The following BNC2 variants were observed in gnomAD, a reference collection of about 807,000 sequenced individuals.
The protein encoded by BNC2 is basonuclin zinc finger protein 2.
A neutral mutation model predicts 76.3 loss-of-function variants in BNC2; 20 were observed. The ratio of observed to expected loss-of-function variants is 0.26; its 90% CI spans 0.18 to 0.38. The LOEUF is 0.38. Ranked by LOEUF, BNC2 falls within the 10% of genes least tolerant of loss-of-function variation. The probability of loss-of-function intolerance (pLI) is 1.00; values close to 1 mark genes in which losing one functional copy is unlikely to be tolerated. For missense variants in BNC2, 1,382 were observed against 1,399.8 expected (o/e 0.99, Z 0.20); for synonymous variants, 582 against 514.8 (o/e 1.13, Z -1.77).
intron 1 of BNC2, among the ~76,000 whole-genome samples, chr9:16,812,234 G>C (rs981781749): frequency 6.6e-6 from 1 of 152,228 alleles, no homozygotes; most frequent in Non-Finnish European, 1.5e-5. Flanking sequence ...AAGGGCTCTG[G>C]GCTTGGAGGT....
At chr9:16,684,669 TA>T (rs1003856891) in intron 3 of BNC2, among the ~76,000 whole-genome samples, 8 of 148,122 alleles carry the variant, frequency 5.4e-5, no homozygotes, top group Admixed American at 6.7e-5. Flanking sequence ...ATGGAGGTCC[TA>T]AAAAAAAAAG....
chr9:16,421,766 C>T (rs1587008407), intron 6 of BNC2, among the ~76,000 whole-genome samples: 1 of 152,208 alleles, frequency 6.6e-6, no homozygotes, highest in East Asian at 1.9e-4. Context: ...TACAACACCA[C>T]CAGTTATTAC....
At chr9:16,454,519 G>A (rs1216369177) in intron 5 of BNC2, among the ~76,000 whole-genome samples, 2 of 152,094 alleles carry the variant, frequency 1.3e-5, no homozygotes, top group Non-Finnish European at 2.9e-5. Flanking sequence ...GCCTAGGCTG[G>A]TCTTGAACTC....
At chr9:16,655,488 G>C (rs1258040107) in intron 3 of BNC2, among the ~76,000 whole-genome samples, 2 of 151,872 alleles carry the variant, frequency 1.3e-5, no homozygotes, top group African/African-American at 4.8e-5. Flanking sequence ...GTTCCTCCTT[G>C]ACTATCTATC....
rs574637446 is a variant in BNC2 at position 16,833,191 on chromosome 9, C to T, written c.3+37455G>A. Among the ~76,000 whole-genome samples the T allele has an allele frequency of 2.0e-5, 3 of 152,270 alleles. No individual in the cohort carries two copies. The East Asian group carries it at 5.8e-4, about 29-fold the overall frequency. The stretch of plus-strand genomic sequence containing the variant: ...TTGCCACCACCAATTTCGCTCCCTC[C>T]TCCCAAGTGACAACTGACCTATTCA... On this transcript the variant is annotated intron_variant, in intron 1 of 6. Coordinates refer to ENST00000380672, the MANE Select transcript of BNC2 (RefSeq NM_017637.6).
rs1824399860 is a variant in BNC2 at position 16,727,995 on chromosome 9, T to G, written c.132A>C (p.Ser44=). 8 of 1,613,216 alleles carry G rather than the reference T, an allele frequency of 5.0e-6. No homozygotes were observed. The highest frequency in any genetic ancestry group is 6.8e-6 in the Non-Finnish European group (8 of 1,179,960). Reference sequence around the variant, plus strand: ...CTCTCACATCCACTTCTGCCTCTTCTGACTGAAAAGTGAAGGTGGATTTTT... The same window carrying G: ...CTCTCACATCCACTTCTGCCTCTTCGGACTGAAAAGTGAAGGTGGATTTTT... ...CCGVDTSQIE[S]EEAEVDVRER... is the part of the protein sequence containing the mutation. The change falls in exon 3 of 7, where the codon TCA becomes TCC. Residue 44 remains serine (S), a splice_region_variant and synonymous_variant. Transcript: ENST00000380672.
chr9:16,820,511 C>G (rs557635994), intron 1 of BNC2, among the ~76,000 whole-genome samples: 11 of 152,174 alleles, frequency 7.2e-5, no homozygotes, highest in African/African-American at 2.6e-4. Context: ...AACCAAGATT[C>G]AAATGATAGG....
intron 2 of BNC2, among the ~76,000 whole-genome samples, chr9:16,730,553 T>A (rs1563918319): frequency 6.6e-6 from 1 of 152,142 alleles, no homozygotes; most frequent in East Asian, 1.9e-4. Flanking sequence ...AACTCTCTCC[T>A]AGAAAATCAA....
At chr9:16,473,715 T>C (rs1821871388) in intron 5 of BNC2, among the ~76,000 whole-genome samples, 1 of 151,600 alleles carries the variant, frequency 6.6e-6, no homozygotes, top group Non-Finnish European at 1.5e-5. Context: ...TCTACTAAAA[T>C]TACAAAAATT....
At chr9:16,575,719 C>T (rs1425362687) in intron 4 of BNC2, among the ~76,000 whole-genome samples, 1 of 152,136 alleles carries the variant, frequency 6.6e-6, no homozygotes, top group Non-Finnish European at 1.5e-5. Flanking sequence ...AAAAAAGCCT[C>T]CTGTGCCAGG....
intron 5 of BNC2, among the ~76,000 whole-genome samples, chr9:16,507,716 C>T (rs1350049368): frequency 1.3e-5 from 2 of 152,130 alleles, no homozygotes; most frequent in African/African-American, 2.4e-5. Context: ...TGCGAGCCAC[C>T]GCGCCTGGCC....
intron 5 of BNC2, among the ~76,000 whole-genome samples, chr9:16,523,812 G>C (rs1817704365): frequency 1.3e-5 from 2 of 152,052 alleles, no homozygotes; most frequent in Admixed American, 6.5e-5. Flanking sequence ...TGTAATCCCA[G>C]CTACTTGGGA....
chr9:16,608,786 G>A (rs1228629052), intron 3 of BNC2, among the ~76,000 whole-genome samples: 1 of 152,178 alleles, frequency 6.6e-6, no homozygotes, highest in Non-Finnish European at 1.5e-5. Context: ...CTGAAAAATA[G>A]AGGTACTGTT....
intron 3 of BNC2, among the ~76,000 whole-genome samples, chr9:16,713,610 T>C (rs1823912277): frequency 1.3e-5 from 2 of 152,142 alleles, no homozygotes; most frequent in South Asian, 4.1e-4. Flanking sequence ...GGTGCCACTG[T>C]CATGCCTATA....
chr9:16,560,920 C>G (rs1371984759), intron 4 of BNC2, among the ~76,000 whole-genome samples: 2 of 152,106 alleles, frequency 1.3e-5, no homozygotes, highest in Non-Finnish European at 2.9e-5. Context: ...CAGGAAAGTT[C>G]AGAAGTAAGA....
At chr9:16,737,493 ACC>A (rs1824710529) in intron 2 of BNC2, among the ~76,000 whole-genome samples, 1 of 143,636 alleles carries the variant, frequency 7.0e-6, no homozygotes, top group Non-Finnish European at 1.5e-5. Flanking sequence ...CTCGTGATCC[ACC>A]CACCTCAGCC....
At chr9:16,439,448 T>A (rs974973747) in intron 5 of BNC2, among the ~76,000 whole-genome samples, 3 of 152,164 alleles carry the variant, frequency 2.0e-5, no homozygotes, top group Non-Finnish European at 4.4e-5. Context: ...AAAAAAGACA[T>A]TAGTGGGAAA....
chr9:16,523,766 A>G (rs1006198520), intron 5 of BNC2, among the ~76,000 whole-genome samples: 5 of 151,896 alleles, frequency 3.3e-5, no homozygotes, highest in Admixed American at 2.0e-4. Context: ...CTCTACTAAA[A>G]ATACAAAAAA....
intron 3 of BNC2, chr9:16,685,408 A>G (rs535666288): frequency 4.7e-6 from 2 of 426,112 alleles, no homozygotes; most frequent in South Asian, 3.6e-5. Context: ...ATGGCTGCAC[A>G]TACGCTACAC....
Sources: gnomAD v4.1 joint callset for allele counts (sites outside exome capture counted in the v4.1 genomes callset) on GRCh38, gnomAD v4.1.1 for gene constraint, MANE v1.5 for transcripts, NCBI Gene and HGNC (gene_info 2026-07-23, HGNC 2026-07-21) for gene names.